CNTNAP5: variants seen among roughly 807,000 people sequenced by gnomAD.
CNTNAP5 encodes contactin-associated protein-like 5.
CNTNAP5 carries 72 observed loss-of-function variants against 150.2 expected under a neutral mutation model. The observed-to-expected ratio is 0.48, with a 90% CI of 0.40 to 0.58. The LOEUF (loss-of-function observed/expected upper bound fraction) is 0.58, where lower values mean the gene tolerates loss of function less well. CNTNAP5 is among the 20% of genes least tolerant of loss of function. The probability of loss-of-function intolerance (pLI) is 0.00; values close to 1 mark genes in which losing one functional copy is unlikely to be tolerated. For missense variants in CNTNAP5, 1,636 were observed against 1,626.2 expected, an observed-to-expected ratio of 1.01 and a Z score of -0.10; for synonymous variants, 672 against 619.8, an observed-to-expected ratio of 1.08 and a Z score of -1.25.
At chr2:124,827,344 A>G (rs1682617866) in intron 19 of CNTNAP5, among the ~76,000 whole-genome samples, 1 of 152,060 alleles carries the variant, frequency 6.6e-6, no homozygotes, top group Admixed American at 6.6e-5. Flanking sequence ...TTCCCCTCAA[A>G]TCTCACTGAC....
At chr2:124,259,998 C>T (rs748957312) in intron 3 of CNTNAP5, among the ~76,000 whole-genome samples, 46 of 152,138 alleles carry the variant, frequency 3.0e-4, no homozygotes, top group Admixed American at 7.2e-4. Flanking sequence ...ACTTTCTTCA[C>T]GGAATTGGAA....
chr2:124,171,318 A>T (rs1232896028), intron 1 of CNTNAP5, among the ~76,000 whole-genome samples: 1 of 152,134 alleles, frequency 6.6e-6, no homozygotes, highest in African/African-American at 2.4e-5. Flanking sequence ...CACACAAATT[A>T]TGGTACCCCA....
intron 1 of CNTNAP5, among the ~76,000 whole-genome samples, chr2:124,164,222 A>G (rs1684755706): frequency 1.3e-5 from 2 of 152,208 alleles, no homozygotes; most frequent in South Asian, 4.1e-4. Context: ...GCCTTCATGG[A>G]ACTTACAGTA....
At chr2:124,607,274 C>T (rs963555778) in intron 11 of CNTNAP5, among the ~76,000 whole-genome samples, 18 of 152,066 alleles carry the variant, frequency 1.2e-4, no homozygotes, top group African/African-American at 4.1e-4. Context: ...GGGCTGCTTT[C>T]GTTTTAAGGC....
chr2:124,177,232 G>A (rs182660768), intron 1 of CNTNAP5, among the ~76,000 whole-genome samples: 1 of 152,148 alleles, frequency 6.6e-6, no homozygotes, highest in Non-Finnish European at 1.5e-5. Context: ...GGTTGGCTTT[G>A]GGAAAAAGGG....
At chr2:124,323,551 G>A (rs1298025574) in intron 3 of CNTNAP5, among the ~76,000 whole-genome samples, 1 of 152,132 alleles carries the variant, frequency 6.6e-6, no homozygotes, top group Non-Finnish European at 1.5e-5. Context: ...CCCGACTCTG[G>A]GAGGCAGAAG....
intron 8 of CNTNAP5, among the ~76,000 whole-genome samples, chr2:124,508,195 A>G (rs1262030569): frequency 6.6e-6 from 1 of 152,202 alleles, no homozygotes; most frequent in Non-Finnish European, 1.5e-5. Flanking sequence ...TTCCGTGCTG[A>G]CTCAAGAGAT....
Position 124,211,657 on chromosome 2 carries a change from C to T in CNTNAP5, c.83-10048C>T, listed in dbSNP as rs111553975. On this transcript the variant is annotated intron_variant, in intron 1 of 23. Transcript: ENST00000682447. ...AATGTTTGTTCAAATTATCAGTACA[C>T]GTTTAACCCATCCACTTCTAAATGT... 3.4e-3 allele frequency among the ~76,000 whole-genome samples: 523 copies of T among 152,278 alleles called. 2 individuals carry two copies. Among genetic ancestry groups the T allele is most frequent in the African/African-American group, 0.011 (470 of 41,564 alleles).
chr2:124,648,061 T>C (rs762476286), intron 13 of CNTNAP5, 103 bp downstream of exon 13: 3 of 1,005,566 alleles, frequency 3.0e-6, no homozygotes, highest in East Asian at 2.6e-5. Flanking sequence ...TAGTTACAGT[T>C]AGTCACTGTG....
intron 12 of CNTNAP5, among the ~76,000 whole-genome samples, chr2:124,647,493 C>T (rs1362678546): frequency 1.3e-5 from 2 of 152,148 alleles, no homozygotes; most frequent in Non-Finnish European, 2.9e-5. Context: ...TAGGCATTGT[C>T]AATTTTAACT....
At chr2:124,477,878 G>A (rs1693679105) in intron 7 of CNTNAP5, among the ~76,000 whole-genome samples, 1 of 151,922 alleles carries the variant, frequency 6.6e-6, no homozygotes, top group African/African-American at 2.4e-5. Context: ...ATATTAAAGG[G>A]CATCACTACC....
chr2:124,124,163 A>C (rs1047103894), intron 1 of CNTNAP5, among the ~76,000 whole-genome samples: 2 of 152,186 alleles, frequency 1.3e-5, no homozygotes, highest in Non-Finnish European at 2.9e-5. Flanking sequence ...AAAATACTTG[A>C]AAAAAGATTA....
At chr2:124,836,244 G>C (rs1417819918) in intron 19 of CNTNAP5, among the ~76,000 whole-genome samples, 1 of 152,086 alleles carries the variant, frequency 6.6e-6, no homozygotes, top group Non-Finnish European at 1.5e-5. Flanking sequence ...GTTAATGAAT[G>C]GTTTCCAAAA....
In CNTNAP5 at chr2:124,869,852, T is replaced by C. The variant is rs561069553; in HGVS notation, c.3436+90T>C. ...ATTAGGGTGTTTAAGGATTCAGGTC[T>C]GGAGCCTTTTGCTCCCATAATATCT... On this transcript the variant is annotated intron_variant, in intron 21 of 23. Coordinates refer to ENST00000682447, the MANE Select transcript of CNTNAP5 (RefSeq NM_001367498.1). 41 of 739,046 alleles carry C rather than the reference T, an allele frequency of 5.5e-5. 1 individual carries two copies. In the South Asian group the frequency reaches 5.6e-4, roughly 10 times the overall value. The allele number at this position is 739,046 out of a possible 1,614,324, so 45.8% of individuals were successfully genotyped here. A position where few individuals can be genotyped will look rare whatever the true frequency, so the allele number is the denominator to read the frequency against.
chr2:124,112,368 A>G (rs1683318442), intron 1 of CNTNAP5, among the ~76,000 whole-genome samples: 1 of 152,066 alleles, frequency 6.6e-6, no homozygotes, highest in African/African-American at 2.4e-5. Flanking sequence ...ATATTTTCAT[A>G]TAAGAGATGT....
chr2:124,517,547 G>A (rs978684419), intron 8 of CNTNAP5, among the ~76,000 whole-genome samples: 2 of 150,056 alleles, frequency 1.3e-5, no homozygotes, highest in East Asian at 2.0e-4. Context: ...ATGGAGGGTT[G>A]TAGTGTTGGT....
chr2:124,815,425 G>C (rs980483819), intron 19 of CNTNAP5, among the ~76,000 whole-genome samples: 1 of 152,172 alleles, frequency 6.6e-6, no homozygotes, highest in African/African-American at 2.4e-5. Flanking sequence ...GAAAGCTGAA[G>C]GCTTTGTCAT....
At chr2:124,910,837 A>C (rs930959867) in intron 22 of CNTNAP5, among the ~76,000 whole-genome samples, 5 of 152,010 alleles carry the variant, frequency 3.3e-5, no homozygotes, top group Non-Finnish European at 5.9e-5. Flanking sequence ...ACACACATAT[A>C]GGTATTACTA....
chr2:124,334,052 G>A (rs951451088), intron 3 of CNTNAP5, among the ~76,000 whole-genome samples: 3 of 152,088 alleles, frequency 2.0e-5, no homozygotes, highest in Non-Finnish European at 4.4e-5. Flanking sequence ...CTGTAAAACA[G>A]TGCAGAGCTT....
Sources: allele counts gnomAD v4.1 joint callset (sites outside exome capture counted in the v4.1 genomes callset), GRCh38; gene constraint gnomAD v4.1.1; transcripts MANE v1.5; gene names NCBI Gene and HGNC (gene_info 2026-07-23, HGNC 2026-07-21).